The following DYM variants were observed in gnomAD, a reference collection of about 807,000 sequenced individuals.
The protein encoded by DYM is dyggve-Melchior-Clausen syndrome protein.
Under a neutral mutation model 93.1 loss-of-function variants are expected in DYM, and 78 were observed. That is an observed-to-expected ratio of 0.84 (90% CI 0.70 to 1.01). The LOEUF is 1.01. Ranked by LOEUF, DYM falls within the 50% of genes least tolerant of loss-of-function variation. The probability of loss-of-function intolerance (pLI) is 0.00; values close to 1 mark genes in which losing one functional copy is unlikely to be tolerated. For missense variants in DYM, 789 were observed against 845.0 expected, an observed-to-expected ratio of 0.93 and a Z score of 0.82; for synonymous variants, 321 against 319.7, an observed-to-expected ratio of 1.00 and a Z score of -0.04.
At chr18:49,056,698 T>C (rs921257755) in intron 17 of DYM, among the ~76,000 whole-genome samples, 2 of 136,620 alleles carry the variant, frequency 1.5e-5, no homozygotes, top group African/African-American at 2.9e-5. Flanking sequence ...CCACCACAAC[T>C]GGGTAATTTT....
chr18:49,258,518 G>C (rs1399725862), intron 11 of DYM, 25 bp from the exon 12 acceptor site: 12 of 1,384,636 alleles, frequency 8.7e-6, no homozygotes, highest in Non-Finnish European at 1.2e-5. Context: ...AAAAGTTTAA[G>C]TAAAAAATGA....
intron 14 of DYM, among the ~76,000 whole-genome samples, chr18:49,183,721 G>A (rs770744473): frequency 6.6e-6 from 1 of 152,048 alleles, no homozygotes; most frequent in Non-Finnish European, 1.5e-5. Flanking sequence ...AATAATTTGG[G>A]ATGCACAGTG....
At chr18:49,273,779 C>A (rs191338012) in intron 10 of DYM, among the ~76,000 whole-genome samples, 1 of 151,566 alleles carries the variant, frequency 6.6e-6, no homozygotes. Flanking sequence ...CAGAACGCCT[C>A]CCCACATTAA....
chr18:49,222,707 C>T (rs1568046428), intron 13 of DYM, among the ~76,000 whole-genome samples: 1 of 152,090 alleles, frequency 6.6e-6, no homozygotes, highest in Non-Finnish European at 1.5e-5. Context: ...GCATGAAACT[C>T]TAGTTTTGAA....
intron 16 of DYM, among the ~76,000 whole-genome samples, chr18:49,103,825 T>G (rs1026017674): frequency 6.6e-6 from 1 of 151,956 alleles, no homozygotes; most frequent in East Asian, 1.9e-4. Context: ...CCTTGTAGTA[T>G]AGTTTGAAGT....
At chr18:49,184,619 G>A (rs1169643989) in intron 14 of DYM, among the ~76,000 whole-genome samples, 1 of 152,170 alleles carries the variant, frequency 6.6e-6, no homozygotes, top group Non-Finnish European at 1.5e-5. Context: ...TGGCTGCTAA[G>A]TAATGGCTGT....
chr18:49,080,461 T>G (rs370168131), intron 17 of DYM, among the ~76,000 whole-genome samples: 261 of 93,884 alleles, frequency 2.8e-3, no homozygotes, highest in South Asian at 7.6e-3. Context: ...TAGGGGCGGC[T>G]GGGCAGAGGC....
intron 2 of DYM, among the ~76,000 whole-genome samples, chr18:49,423,573 A>G (rs1226727404): frequency 1.3e-5 from 2 of 152,192 alleles, no homozygotes; most frequent in Non-Finnish European, 2.9e-5. Flanking sequence ...ATAGAGACAC[A>G]AAAAACCCTT....
Position 49,440,887 on chromosome 18 carries a change from TA to T in DYM, c.-53-10441del, listed in dbSNP as rs2081330046. 8.9e-4 allele frequency among the ~76,000 whole-genome samples: 43 copies of T among 48,124 alleles called. 20 individuals are homozygous for T. Among genetic ancestry groups the T allele is most frequent in the South Asian group, 1.4e-3 (2 of 1,426 alleles). The allele number at this position is 48,124 out of a possible 152,430, so 31.6% of individuals were successfully genotyped here. ...TATTATATATAATATATATTATATA[TA>T]TAATATATTTATATAAATATATTAT... On this transcript the variant is annotated intron_variant, in intron 1 of 17. Coordinates refer to ENST00000675505, the MANE Select transcript of DYM (RefSeq NM_001353214.3).
At chr18:49,299,424 A>T (rs576197873) in intron 8 of DYM, among the ~76,000 whole-genome samples, 5 of 152,342 alleles carry the variant, frequency 3.3e-5, no homozygotes, top group Non-Finnish European at 5.9e-5. Flanking sequence ...ACAAGTCTTT[A>T]AGCATCTGAT....
chr18:49,390,159 A>G (rs76819015), intron 3 of DYM, among the ~76,000 whole-genome samples: 13,891 of 152,246 alleles, frequency 0.091, 863 homozygotes, highest in East Asian at 0.31. Context: ...GGTGGCTAAC[A>G]CCTGTAATAT....
At chr18:49,085,759 C>T (rs1192409548) in intron 17 of DYM, among the ~76,000 whole-genome samples, 2 of 152,002 alleles carry the variant, frequency 1.3e-5, no homozygotes, top group East Asian at 1.9e-4. Context: ...AGGCACCTGC[C>T]ACCGCGCCTG....
chr18:49,185,284 C>T (rs971344165), intron 14 of DYM, among the ~76,000 whole-genome samples: 8 of 152,134 alleles, frequency 5.3e-5, no homozygotes, highest in Admixed American at 5.2e-4. Flanking sequence ...ACAACAGAAC[C>T]TATCTGCTAC....
At chr18:49,433,705 TA>T (rs924777350) in intron 1 of DYM, among the ~76,000 whole-genome samples, 2 of 151,846 alleles carry the variant, frequency 1.3e-5, no homozygotes, top group African/African-American at 4.8e-5. Flanking sequence ...CCGTCTCTAC[TA>T]AAAATACAAA....
intron 6 of DYM, among the ~76,000 whole-genome samples, chr18:49,336,533 T>C (rs2063688732): frequency 6.6e-6 from 1 of 152,178 alleles, no homozygotes; most frequent in South Asian, 2.1e-4. Context: ...AAAAACCCAT[T>C]TCCCCAAATT....
At chr18:49,131,760 C>T (rs1020943093) in intron 15 of DYM, among the ~76,000 whole-genome samples, 4 of 152,058 alleles carry the variant, frequency 2.6e-5, no homozygotes, top group African/African-American at 9.7e-5. Flanking sequence ...GTATTCTTAA[C>T]AAGAAAGGAG....
chr18:49,181,479 C>T (rs1568554210), intron 14 of DYM, among the ~76,000 whole-genome samples: 1 of 152,122 alleles, frequency 6.6e-6, no homozygotes, highest in South Asian at 2.1e-4. Context: ...TGCTTGGAAC[C>T]AGAAGTGTTT....
At chr18:49,111,788 G>T (rs1403318456) in intron 16 of DYM, among the ~76,000 whole-genome samples, 1 of 152,124 alleles carries the variant, frequency 6.6e-6, no homozygotes, top group Non-Finnish European at 1.5e-5. Context: ...GTACTTGCTA[G>T]GCTGGTGGCA....
chr18:49,095,834 A>G lies in DYM; in HGVS notation c.2025+1568T>C, dbSNP rs117635505. On this transcript the variant is annotated intron_variant, in intron 17 of 17. Coordinates refer to ENST00000675505, the MANE Select transcript of DYM (RefSeq NM_001353214.3). ...GCACACTGTAATTCATTTTGCTTTA[A>G]GGTAAGTATTACAGTGAACTACAAG... Among the ~76,000 whole-genome samples the G allele has an allele frequency of 1.4e-3, 211 of 152,322 alleles. 1 individual carries two copies. The highest frequency in any genetic ancestry group is 1.9e-3 in the Non-Finnish European group (131 of 68,026).
Sources: gnomAD v4.1 joint callset for allele counts (sites outside exome capture counted in the v4.1 genomes callset) on GRCh38, gnomAD v4.1.1 for gene constraint, MANE v1.5 for transcripts, NCBI Gene and HGNC (gene_info 2026-07-23, HGNC 2026-07-21) for gene names.